Variants in REEP1 observed in about 807,000 individuals in gnomAD.
REEP1 encodes the protein receptor accessory protein 1.
In REEP1, 22 loss-of-function variants were observed where a neutral mutation model predicts 40.3. That is an observed-to-expected ratio of 0.55 (90% CI 0.39 to 0.78). REEP1 has a LOEUF of 0.78. Ranked by LOEUF, REEP1 falls within the 30% of genes least tolerant of loss-of-function variation. The pLI is 0.00. For missense variants in REEP1, 280 were observed against 361.1 expected, an observed-to-expected ratio of 0.78 and a Z score of 1.82; for synonymous variants, 116 against 139.2, an observed-to-expected ratio of 0.83 and a Z score of 1.17.
intron 1 of REEP1, among the ~76,000 whole-genome samples, chr2:86,290,237 G>T (rs1322660675): frequency 1.3e-5 from 2 of 152,072 alleles, no homozygotes; most frequent in Non-Finnish European, 2.9e-5. Context: ...AAAAAGGGAA[G>T]TTTACAGGGA....
Position 86,219,968 on chromosome 2 carries a change from A to G in REEP1, c.783+2T>C. 1 of 1,232,074 alleles carries G rather than the reference A, an allele frequency of 8.1e-7. No individual in the cohort carries two copies. Among genetic ancestry groups the G allele is most frequent in the African/African-American group, 1.6e-5 (1 of 64,500 alleles). 76.3% of individuals were successfully genotyped at this position (1,232,074 alleles called of 1,614,324 possible). A position where few individuals can be genotyped will look rare whatever the true frequency, so the allele number is the denominator to read the frequency against. ...CAACCCACAGCCCCAGACACTGTGT[A>G]CCTCCAGGGGCAATTCCATCCTTCG... On this transcript the variant is annotated splice_donor_variant, in intron 8 of 8. Coordinates refer to ENST00000538924, the MANE Select transcript of REEP1 (RefSeq NM_001371279.1). LOFTEE classifies it high-confidence loss of function.
intron 6 of REEP1, among the ~76,000 whole-genome samples, chr2:86,230,875 G>GT (rs1456587449): frequency 2.6e-5 from 4 of 152,184 alleles, no homozygotes; most frequent in African/African-American, 9.7e-5. Flanking sequence ...TGCCCTCTGG[G>GT]TTTTACTGAA....
At chr2:86,231,862 C>T (rs1487915321) in intron 6 of REEP1, among the ~76,000 whole-genome samples, 2 of 152,190 alleles carry the variant, frequency 1.3e-5, no homozygotes, top group South Asian at 2.1e-4. Flanking sequence ...GTCCCAAACA[C>T]GGCTGCATCT....
chr2:86,331,847 T>C (rs1680780805), intron 1 of REEP1, among the ~76,000 whole-genome samples: 1 of 152,174 alleles, frequency 6.6e-6, no homozygotes. Flanking sequence ...CATTGCCATC[T>C]TCCCTGCATA....
At chr2:86,265,237 C>T (rs1386606080) in intron 2 of REEP1, among the ~76,000 whole-genome samples, 2 of 152,128 alleles carry the variant, frequency 1.3e-5, no homozygotes, top group African/African-American at 4.8e-5. Context: ...TTAGCTTCTG[C>T]CCACTGTTGG....
intron 7 of REEP1, among the ~76,000 whole-genome samples, chr2:86,225,114 G>A (rs1477193295): frequency 6.6e-6 from 1 of 152,208 alleles, no homozygotes; most frequent in Non-Finnish European, 1.5e-5. Context: ...CCCGGTGCTG[G>A]AAACAGCTGA....
At chr2:86,285,921 T>C (rs562568804) in intron 1 of REEP1, among the ~76,000 whole-genome samples, 22 of 152,216 alleles carry the variant, frequency 1.4e-4, no homozygotes, top group Non-Finnish European at 3.1e-4. Context: ...AGAGGGAAGA[T>C]GGAAGGCTGG....
chr2:86,336,957 T>C (rs1681072118), intron 1 of REEP1: 1 of 152,584 alleles, frequency 6.6e-6, no homozygotes, highest in Non-Finnish European at 1.5e-5. Flanking sequence ...AAGGAGGATT[T>C]TTCCAACCCC....
intron 1 of REEP1, among the ~76,000 whole-genome samples, chr2:86,285,980 G>A (rs146904619): frequency 2.6e-5 from 4 of 152,262 alleles, no homozygotes; most frequent in East Asian, 1.9e-4. Flanking sequence ...CACTTCTCTC[G>A]GTTATCTCTG....
intron 2 of REEP1, among the ~76,000 whole-genome samples, chr2:86,277,289 C>T (rs1232962574): frequency 1.3e-5 from 2 of 152,100 alleles, no homozygotes; most frequent in African/African-American, 4.8e-5. Flanking sequence ...GGCGTGGTGG[C>T]TCACACCTGT....
At chr2:86,261,399 G>A (rs1375017223) in intron 3 of REEP1, among the ~76,000 whole-genome samples, 1 of 152,184 alleles carries the variant, frequency 6.6e-6, no homozygotes. Context: ...AAATTCTTCT[G>A]CCTTGAGATT....
chr2:86,310,664 A>C (rs1163295727), intron 1 of REEP1, among the ~76,000 whole-genome samples: 6 of 152,044 alleles, frequency 3.9e-5, no homozygotes, highest in African/African-American at 1.4e-4. Flanking sequence ...TCTTTCCTAG[A>C]TGAGGAAAAT....
chr2:86,268,956 A>T lies in REEP1; in HGVS notation c.106-4915T>A, dbSNP rs551060405. ...ACAACAATGAAAAATGGATCTAGGCACTGACCTTACATCTTTCACAAAGAT... is the reference window on the plus strand; with the variant it reads ...ACAACAATGAAAAATGGATCTAGGCTCTGACCTTACATCTTTCACAAAGAT... On this transcript the variant is annotated intron_variant, in intron 2 of 8. Coordinates refer to ENST00000538924, the MANE Select transcript of REEP1 (RefSeq NM_001371279.1). 8.5e-5 allele frequency among the ~76,000 whole-genome samples: 13 copies of T among 152,328 alleles called. No homozygotes were observed. The East Asian group carries it at 2.3e-3, about 27-fold the overall frequency.
intron 1 of REEP1, among the ~76,000 whole-genome samples, chr2:86,289,964 CAT>C (rs1407039994): frequency 6.6e-6 from 1 of 152,088 alleles, no homozygotes; most frequent in African/African-American, 2.4e-5. Context: ...CAAAGGGTGA[CAT>C]GTGTTAATGA....
At chr2:86,255,270 C>T (rs1287934166) in intron 3 of REEP1, among the ~76,000 whole-genome samples, 1 of 151,802 alleles carries the variant, frequency 6.6e-6, no homozygotes, top group African/African-American at 2.4e-5. Context: ...GAAGAGTTGA[C>T]AAAAAAATCT....
At chr2:86,291,863 C>T (rs1013761169) in intron 1 of REEP1, among the ~76,000 whole-genome samples, 7 of 152,246 alleles carry the variant, frequency 4.6e-5, no homozygotes, top group Admixed American at 4.6e-4. Context: ...TGCTCCCAAA[C>T]CCAACTTAGG....
Position 86,227,354 on chromosome 2 carries a change from CT to C in REEP1, c.631+8del, listed in dbSNP as rs762438780. 1.6e-6 allele frequency: 2 copies of C among 1,232,294 alleles called. No individual in the cohort carries two copies. The highest frequency in any genetic ancestry group is 2.0e-6 in the Non-Finnish European group (2 of 988,094). The allele number at this position is 1,232,294 out of a possible 1,614,324, so 76.3% of individuals were successfully genotyped here. ...CAGCACGCTGCGGAGAGGCTGGCTG[CT>C]TACTCACCTTTCCAGGTCCTGCAGG... is the stretch of plus-strand genomic sequence containing the variant. On this transcript the variant is annotated splice_region_variant and intron_variant, in intron 7 of 8. Transcript: ENST00000538924.
Position 86,337,527 on chromosome 2 carries a change from G to A in REEP1, c.-17C>T. The A allele has an allele frequency of 1.6e-6, 2 of 1,262,690 alleles. No individual in the cohort carries two copies. Among genetic ancestry groups the A allele is most frequent in the Admixed American group, 3.8e-5 (1 of 26,306 alleles). The allele number at this position is 1,262,690 out of a possible 1,614,324, so 78.2% of individuals were successfully genotyped here. On this transcript the variant is annotated 5_prime_UTR_variant, in exon 1 of 9. Coordinates refer to ENST00000538924, the MANE Select transcript of REEP1 (RefSeq NM_001371279.1). The surrounding 1 kb of genome is among the most constrained non-coding windows in gnomAD (Gnocchi z 5.8). Reference sequence around the variant, plus strand: ...TGACACCATGGCGGGCAGGCGGGCGGGCGAGGCCCGGGCGGCGCGGCTCGG... The same window carrying A: ...TGACACCATGGCGGGCAGGCGGGCGAGCGAGGCCCGGGCGGCGCGGCTCGG...
intron 2 of REEP1, among the ~76,000 whole-genome samples, chr2:86,272,619 C>T (rs1677518614): frequency 6.6e-6 from 1 of 152,224 alleles, no homozygotes; most frequent in Admixed American, 6.5e-5. Flanking sequence ...GAAAACTGTA[C>T]ATTCCTCACC....
Sources: allele counts gnomAD v4.1 joint callset (sites outside exome capture counted in the v4.1 genomes callset), GRCh38; gene constraint gnomAD v4.1.1; non-coding constraint Gnocchi (gnomAD v3.1); transcripts MANE v1.5; gene names NCBI Gene and HGNC (gene_info 2026-07-23, HGNC 2026-07-21).